Variants in P4HA1 observed in about 807,000 individuals in gnomAD.
The protein encoded by P4HA1 is prolyl 4-hydroxylase subunit alpha-1.
In P4HA1, 24 loss-of-function variants were observed where a neutral mutation model predicts 72.8. That is an observed-to-expected ratio of 0.33 (90% confidence interval 0.24 to 0.46). The LOEUF (loss-of-function observed/expected upper bound fraction) is 0.46, where lower values mean the gene tolerates loss of function less well. Ranked by LOEUF, P4HA1 falls within the 20% of genes least tolerant of loss-of-function variation. P4HA1 has a pLI of 1.00. For synonymous variants in P4HA1, 201 were observed against 218.8 expected (o/e 0.92, Z 0.72); for missense variants, 446 against 640.6 (o/e 0.70, Z 3.28).
intron 1 of P4HA1, among the ~76,000 whole-genome samples, chr10:73,093,873 AATATATATATATATATATATAT>A (rs1167437294): frequency 2.1e-3 from 61 of 29,324 alleles, no homozygotes; most frequent in East Asian, 0.018. Context: ...AAAAAAAAAA[AATATATATATATATATATATAT>A]ATATATATAT....
intron 9 of P4HA1, among the ~76,000 whole-genome samples, 161 bp downstream of exon 9, chr10:73,044,809 AGAAAGACCTGT>A (rs1840815191): frequency 6.6e-6 from 1 of 152,228 alleles, no homozygotes; most frequent in African/African-American, 2.4e-5. Flanking sequence ...CTAGTGAAGG[AGAAAGACCTGT>A]GAAACACAAA....
intron 1 of P4HA1, among the ~76,000 whole-genome samples, chr10:73,093,413 G>C (rs1003004306): frequency 6.6e-6 from 1 of 152,114 alleles, no homozygotes; most frequent in Non-Finnish European, 1.5e-5. Flanking sequence ...AACTGCTGGA[G>C]TAACCTAAAT....
intron 9 of P4HA1, among the ~76,000 whole-genome samples, chr10:73,043,659 G>A (rs1840787451): frequency 6.6e-6 from 1 of 152,068 alleles, no homozygotes; most frequent in African/African-American, 2.4e-5. Flanking sequence ...CAAAGTTTGG[G>A]GAGCCTCAAC....
chr10:73,008,193 A>G lies in P4HA1; in HGVS notation c.*29T>C, dbSNP rs1253734175. ...TGTATATCAGACACATAAGAGTACA[A>G]CAATAGGAGAAAAAGGGAAGCCTGT... On this transcript the variant is annotated 3_prime_UTR_variant, in exon 15 of 15. Transcript: ENST00000394890. 2.8e-6 allele frequency: 4 copies of G among 1,447,902 alleles called. No homozygotes were observed. Among genetic ancestry groups the G allele is most frequent in the African/African-American group, 1.4e-5 (1 of 71,188 alleles). The allele number at this position is 1,447,902 out of a possible 1,614,324, so 89.7% of individuals were successfully genotyped here.
chr10:73,022,249 G>A (rs1036091968), intron 10 of P4HA1, among the ~76,000 whole-genome samples: 8 of 152,210 alleles, frequency 5.3e-5, no homozygotes, highest in African/African-American at 1.9e-4. Flanking sequence ...GGGGCCGACA[G>A]ACACCTCATA....
intron 10 of P4HA1, among the ~76,000 whole-genome samples, chr10:73,025,013 T>C (rs1025936547): frequency 2.6e-5 from 4 of 152,078 alleles, no homozygotes; most frequent in Non-Finnish European, 5.9e-5. Context: ...CTAAAAAAAG[T>C]TCAGGACCAG....
rs188571382 is a variant in P4HA1 at position 73,071,951 on chromosome 10, A to G, written c.325+78T>C. 17 of 1,200,842 alleles carry G rather than the reference A, an allele frequency of 1.4e-5. No individual in the cohort carries two copies. The Admixed American group carries it at 2.7e-4, about 19-fold the overall frequency. 74.4% of individuals were successfully genotyped at this position (1,200,842 alleles called of 1,614,324 possible). On this transcript the variant is annotated intron_variant, in intron 4 of 14. Coordinates refer to ENST00000394890, the MANE Select transcript of P4HA1 (RefSeq NM_001017962.3). The stretch of plus-strand genomic sequence containing the variant: ...CACTGAACTGAACTGGTTTCCTGGG[A>G]ACTGAATTTATCATTAATTTTATTA...
At chr10:73,025,552 C>A (rs919705530) in intron 10 of P4HA1, among the ~76,000 whole-genome samples, 1 of 152,018 alleles carries the variant, frequency 6.6e-6, no homozygotes, top group African/African-American at 2.4e-5. Context: ...AAATCCGGCA[C>A]AAGACAAGGA....
chr10:73,037,809 G>A (rs987766769), intron 9 of P4HA1, among the ~76,000 whole-genome samples: 2 of 149,950 alleles, frequency 1.3e-5, no homozygotes, highest in African/African-American at 4.9e-5. Context: ...ACCCATTACA[G>A]AGCAGTGTTG....
chr10:73,088,189 G>A (rs528736974), intron 1 of P4HA1, among the ~76,000 whole-genome samples: 84 of 152,184 alleles, frequency 5.5e-4, no homozygotes, highest in African/African-American at 1.4e-3. Flanking sequence ...GACCAGACCC[G>A]GCCTACGAAC....
intron 10 of P4HA1, among the ~76,000 whole-genome samples, chr10:73,018,039 A>G (rs577362018): frequency 2.1e-4 from 32 of 152,304 alleles, no homozygotes; most frequent in African/African-American, 7.7e-4. Flanking sequence ...CCAGGAATGA[A>G]GGCCTACTTG....
At chr10:73,021,950 C>T (rs905529567) in intron 10 of P4HA1, among the ~76,000 whole-genome samples, 1 of 152,200 alleles carries the variant, frequency 6.6e-6, no homozygotes, top group Non-Finnish European at 1.5e-5. Flanking sequence ...GGGTGTCCAC[C>T]ATTGCTGAGG....
intron 9 of P4HA1, among the ~76,000 whole-genome samples, chr10:73,044,146 G>GA (rs1365473847): frequency 1.3e-5 from 2 of 152,074 alleles, no homozygotes; most frequent in Admixed American, 1.3e-4. Flanking sequence ...CAAATCAAGA[G>GA]AAAATGAGTT....
Position 73,008,036 on chromosome 10 carries a change from T to C in P4HA1, c.*186A>G, listed in dbSNP as rs1839831055. ...TTAAGGTTTTATGCAATATGATGATTTCGTGTTACTTTTAAAAGAACCCAC... is the reference window on the plus strand; with the variant it reads ...TTAAGGTTTTATGCAATATGATGATCTCGTGTTACTTTTAAAAGAACCCAC... On this transcript the variant is annotated 3_prime_UTR_variant, in exon 15 of 15. Coordinates refer to ENST00000394890, the MANE Select transcript of P4HA1 (RefSeq NM_001017962.3). 1 of 447,878 alleles carries C rather than the reference T, an allele frequency of 2.2e-6. No homozygotes were observed. Among genetic ancestry groups the C allele is most frequent in the Non-Finnish European group, 4.0e-6 (1 of 248,886 alleles). The allele number at this position is 447,878 out of a possible 1,614,324, so 27.7% of individuals were successfully genotyped here. A position where few individuals can be genotyped will look rare whatever the true frequency, so the allele number is the denominator to read the frequency against.
chr10:73,093,933 CATTTT>C (rs1191128304), intron 1 of P4HA1, among the ~76,000 whole-genome samples: 2 of 115,528 alleles, frequency 1.7e-5, no homozygotes, highest in Non-Finnish European at 3.4e-5. Flanking sequence ...CACACATACT[CATTTT>C]ATTTGGATTT....
At chr10:73,075,210 C>T (rs1841669342) in intron 1 of P4HA1, among the ~76,000 whole-genome samples, 2 of 152,064 alleles carry the variant, frequency 1.3e-5, no homozygotes, top group African/African-American at 4.8e-5. Context: ...CGGGTTCAAG[C>T]GATTCTCATG....
intron 10 of P4HA1, among the ~76,000 whole-genome samples, chr10:73,028,400 AC>A (rs1390483720): frequency 4.6e-5 from 7 of 152,074 alleles, no homozygotes; most frequent in African/African-American, 1.7e-4. Context: ...CTTTAAGAAT[AC>A]ATTTTGGTCT....
chr10:73,075,790 A>G (rs1199666202), intron 1 of P4HA1, among the ~76,000 whole-genome samples: 1 of 151,604 alleles, frequency 6.6e-6, no homozygotes, highest in Non-Finnish European at 1.5e-5. Flanking sequence ...TGACAGTCTC[A>G]AAACTCCTGA....
At chr10:73,086,793 C>T (rs1468401944) in intron 1 of P4HA1, among the ~76,000 whole-genome samples, 1 of 151,652 alleles carries the variant, frequency 6.6e-6, no homozygotes. Flanking sequence ...ATTAGCCAGG[C>T]GTGGTGGCAC....
Sources: allele counts gnomAD v4.1 joint callset (sites outside exome capture counted in the v4.1 genomes callset), GRCh38; gene constraint gnomAD v4.1.1; transcripts MANE v1.5; gene names NCBI Gene and HGNC (gene_info 2026-07-23, HGNC 2026-07-21).